The following DIP2C variants were observed in gnomAD, a reference collection of about 807,000 sequenced individuals.
DIP2C encodes disco-interacting protein 2 homolog C.
Under a neutral mutation model 192.4 loss-of-function variants are expected in DIP2C, and 33 were observed. That is an observed-to-expected ratio of 0.17 (90% CI 0.13 to 0.23). DIP2C has a LOEUF of 0.23. Ranked by LOEUF, DIP2C falls within the 10% of genes least tolerant of loss-of-function variation. DIP2C has a pLI of 1.00. For missense variants in DIP2C, 1,537 were observed against 2,110.1 expected, an observed-to-expected ratio of 0.73 and a Z score of 5.32; for synonymous variants, 979 against 864.1, an observed-to-expected ratio of 1.13 and a Z score of -2.33.
intron 1 of DIP2C, among the ~76,000 whole-genome samples, chr10:540,738 T>C (rs1411741025): frequency 6.6e-6 from 1 of 152,194 alleles, no homozygotes; most frequent in Non-Finnish European, 1.5e-5. Context: ...CTGAGAAAAG[T>C]AATCTCTAAT....
At chr10:295,532 A>T (rs1251286596) in intron 32 of DIP2C, among the ~76,000 whole-genome samples, 2 of 103,842 alleles carry the variant, frequency 1.9e-5, no homozygotes, top group Admixed American at 3.0e-4. Flanking sequence ...CTGCAGTCCC[A>T]CCTGGGCGAA....
intron 5 of DIP2C, 83 bp downstream of exon 5, chr10:422,741 G>A (rs1564693263): frequency 1.8e-5 from 27 of 1,477,606 alleles, no homozygotes; most frequent in East Asian, 4.6e-5. Flanking sequence ...GAGGGATTCC[G>A]CTGCAACGAT....
chr10:366,623 A>G (rs1960245912), intron 18 of DIP2C, among the ~76,000 whole-genome samples: 1 of 152,202 alleles, frequency 6.6e-6, no homozygotes, highest in Non-Finnish European at 1.5e-5. Flanking sequence ...TAGTTGAAAC[A>G]TCAATAAATA....
intron 32 of DIP2C, among the ~76,000 whole-genome samples, chr10:309,606 T>C (rs1956485571): frequency 6.6e-6 from 1 of 150,942 alleles, no homozygotes; most frequent in African/African-American, 2.5e-5. Flanking sequence ...TCACCCAGGC[T>C]GGAATGCAGA....
chr10:461,772 C>T (rs898224601), intron 3 of DIP2C, among the ~76,000 whole-genome samples: 1 of 152,154 alleles, frequency 6.6e-6, no homozygotes, highest in Admixed American at 6.6e-5. Context: ...AAACTGACCA[C>T]ATAATTGGAA....
At chr10:654,846 G>C (rs1017467860) in intron 1 of DIP2C, among the ~76,000 whole-genome samples, 6 of 152,174 alleles carry the variant, frequency 3.9e-5, no homozygotes, top group Non-Finnish European at 7.3e-5. Context: ...ACTATGATCG[G>C]TTTGTTCTAT....
chr10:563,164 G>A (rs1188504681), intron 1 of DIP2C, among the ~76,000 whole-genome samples: 3 of 152,210 alleles, frequency 2.0e-5, no homozygotes, highest in Non-Finnish European at 4.4e-5. Flanking sequence ...CAGGGCTAGT[G>A]GGCCAACTTC....
At chr10:649,927 A>ACGGCGTTGCC (rs1319104857) in intron 1 of DIP2C, 8 of 587,442 alleles carry the variant, frequency 1.4e-5, no homozygotes, top group Non-Finnish European at 2.4e-5. Context: ...CCCGTGCGTC[A>ACGGCGTTGCC]CGGCGTTGCC....
chr10:418,037 T>C (rs78520645), intron 6 of DIP2C, among the ~76,000 whole-genome samples: 742 of 12,002 alleles, frequency 0.062, 113 homozygotes, highest in Non-Finnish European at 0.099. Context: ...TGTCCACCTG[T>C]TCCTGTCAGG....
intron 15 of DIP2C, 103 bp from the exon 16 acceptor site, chr10:384,249 T>G: frequency 1.1e-6 from 1 of 924,110 alleles, no homozygotes; most frequent in Non-Finnish European, 1.6e-6. Flanking sequence ...GAAGAATCAC[T>G]GGTCACCCAG....
At chr10:376,025 G>T (rs1397827592) in intron 17 of DIP2C, among the ~76,000 whole-genome samples, 2 of 152,112 alleles carry the variant, frequency 1.3e-5, no homozygotes, top group African/African-American at 4.8e-5. Context: ...CACAAAACAC[G>T]CCTGCAGTCA....
At chr10:453,302 A>T (rs1969004370) in intron 3 of DIP2C, among the ~76,000 whole-genome samples, 1 of 152,178 alleles carries the variant, frequency 6.6e-6, no homozygotes, top group African/African-American at 2.4e-5. Flanking sequence ...GTGGAATGGA[A>T]ACAATGAGAA....
chr10:326,504 T>C (rs1407727086), intron 31 of DIP2C, among the ~76,000 whole-genome samples: 1 of 152,240 alleles, frequency 6.6e-6, no homozygotes, highest in Non-Finnish European at 1.5e-5. Context: ...GCCTGCAGCT[T>C]GTCAGCCACT....
chr10:399,576 G>C (rs1964251826), intron 9 of DIP2C, among the ~76,000 whole-genome samples: 2 of 152,176 alleles, frequency 1.3e-5, no homozygotes, highest in African/African-American at 4.8e-5. Flanking sequence ...TAACTGTCCT[G>C]GGACAGCATG....
chr10:500,033 C>T (rs1007651554), intron 1 of DIP2C, among the ~76,000 whole-genome samples: 24 of 152,350 alleles, frequency 1.6e-4, no homozygotes, highest in African/African-American at 5.5e-4. Context: ...GACAGGGCCA[C>T]TGAGAGCAAG....
chr10:391,162 CCTG>C (rs1332568348), intron 10 of DIP2C, among the ~76,000 whole-genome samples: 5 of 152,198 alleles, frequency 3.3e-5, no homozygotes, highest in African/African-American at 1.2e-4. Context: ...GCGTTAAGAG[CCTG>C]CTGTTATAGC....
chr10:606,107 C>CA (rs1192584580), intron 1 of DIP2C, among the ~76,000 whole-genome samples: 5 of 152,348 alleles, frequency 3.3e-5, no homozygotes, highest in Admixed American at 6.5e-5. Flanking sequence ...ACCAAAGATA[C>CA]AGAAACCCAC....
At chr10:357,959 G>A (rs767665702) in intron 22 of DIP2C, 22 bp from the exon 23 acceptor site, 2 of 1,575,630 alleles carry the variant, frequency 1.3e-6, no homozygotes, top group Admixed American at 1.7e-5. Context: ...CAGAGACATG[G>A]CCATGAGGAA....
At chr10:435,291 G>A (rs939490593) in intron 4 of DIP2C, among the ~76,000 whole-genome samples, 10 of 152,154 alleles carry the variant, frequency 6.6e-5, no homozygotes, top group African/African-American at 2.2e-4. Context: ...TAGCTTCTCT[G>A]GAAGGTAGAC....
Sources: gnomAD v4.1 joint callset for allele counts (sites outside exome capture counted in the v4.1 genomes callset) on GRCh38, gnomAD v4.1.1 for gene constraint, MANE v1.5 for transcripts, NCBI Gene and HGNC (gene_info 2026-07-23, HGNC 2026-07-21) for gene names.